MYO1H: variants seen among roughly 807,000 people sequenced by gnomAD.
The protein encoded by MYO1H is unconventional myosin-Ih.
A neutral mutation model predicts 149.3 loss-of-function variants in MYO1H; 118 were observed. The observed-to-expected ratio is 0.79, with a 90% CI of 0.68 to 0.92. MYO1H has a LOEUF of 0.92. Ranked by LOEUF, MYO1H falls within the 40% of genes least tolerant of loss-of-function variation. MYO1H has a pLI of 0.00. For missense variants in MYO1H, 1,212 were observed against 1,280.7 expected (o/e 0.95, Z 0.82); for synonymous variants, 447 against 465.2 (o/e 0.96, Z 0.50).
chr12:109,388,242 A>T (rs1472997207), intron 1 of MYO1H, among the ~76,000 whole-genome samples: 2 of 150,276 alleles, frequency 1.3e-5, no homozygotes, highest in South Asian at 2.1e-4. Context: ...CATTAATTTA[A>T]AAAAAACATT....
intron 15 of MYO1H, among the ~76,000 whole-genome samples, chr12:109,419,282 A>G (rs2135570969): frequency 6.6e-6 from 1 of 152,076 alleles, no homozygotes; most frequent in South Asian, 2.1e-4. Context: ...GGAGTTTTCC[A>G]TGTGCCGGGT....
chr12:109,435,110 C>T, exon 21 of MYO1H: 2 of 1,589,456 alleles, frequency 1.3e-6, no homozygotes, highest in Non-Finnish European at 1.7e-6. Flanking sequence ...TAAACATCAA[C>T]TAGGTATGAT....
chr12:109,345,645 A>G (rs2048100531), upstream of MYO1H, among the ~76,000 whole-genome samples: 1 of 152,234 alleles, frequency 6.6e-6, no homozygotes, highest in Admixed American at 6.5e-5. Flanking sequence ...GTCCACACAA[A>G]AATTTGCACC....
At chr12:109,418,011 T>G (rs1871004491) in intron 15 of MYO1H, among the ~76,000 whole-genome samples, 1 of 151,470 alleles carries the variant, frequency 6.6e-6, no homozygotes, top group South Asian at 2.1e-4. Flanking sequence ...AGAGACGGGG[T>G]TTCACCGTGT....
At chr12:109,401,712 G>A (rs1209248918) in intron 6 of MYO1H, among the ~76,000 whole-genome samples, 5 of 151,922 alleles carry the variant, frequency 3.3e-5, no homozygotes, top group Non-Finnish European at 7.4e-5. Context: ...CCAAACCTAT[G>A]CTATCTCATT....
chr12:109,329,639 G>A, the MYO1H span, among the ~76,000 whole-genome samples: 1 of 152,178 alleles, frequency 6.6e-6, no homozygotes, highest in Non-Finnish European at 1.5e-5. Flanking sequence ...GGAGCTGTCT[G>A]TAGATCTTTT....
chr12:109,442,098 C>A, intron 26 of MYO1H, 119 bp from the exon 27 acceptor site: 1 of 813,528 alleles, frequency 1.2e-6, no homozygotes, highest in Non-Finnish European at 2.1e-6. Flanking sequence ...TTCCTGATGG[C>A]TATTTCCCCA....
rs552694584 is a variant in MYO1H, at chr12:109,377,028, G to A, written c.13-11655G>A. On this transcript the variant is annotated intron_variant, in intron 1 of 31. Transcript: ENST00000310903. The stretch of plus-strand genomic sequence containing the variant: ...ATAATGTAAAATTAGCTGTTTTAAA[G>A]TAATCAGATTCAGTGGCATTTTGTA... 3.2e-4 allele frequency among the ~76,000 whole-genome samples: 48 copies of A among 152,264 alleles called. No homozygotes were observed. The Middle Eastern group carries it at 0.034, about 108-fold the overall frequency.
intron 1 of MYO1H, among the ~76,000 whole-genome samples, chr12:109,372,950 A>C (rs1869018855): frequency 6.6e-6 from 1 of 152,032 alleles, no homozygotes. Context: ...TGTTAAAATT[A>C]TTTTTATAGA....
intron 15 of MYO1H, among the ~76,000 whole-genome samples, chr12:109,420,203 G>C (rs905570279): frequency 2.0e-5 from 3 of 152,160 alleles, no homozygotes; most frequent in Non-Finnish European, 2.9e-5. Context: ...TAAAGACTAT[G>C]CATATTTATA....
intron 27 of MYO1H, among the ~76,000 whole-genome samples, chr12:109,442,795 C>CTGCCTTTTTTTTTTTT (rs1165995755): frequency 4.3e-5 from 4 of 94,038 alleles, no homozygotes; most frequent in East Asian, 6.4e-4. Flanking sequence ...AGTGTCTGCT[C>CTGCCTTTTTTTTTTTT]TTTTTTTTTT....
the MYO1H span, among the ~76,000 whole-genome samples, chr12:109,338,007 C>G: frequency 6.8e-6 from 1 of 147,706 alleles, no homozygotes; most frequent in African/African-American, 2.5e-5. Context: ...TTGTCTGTAT[C>G]AGAAACTGGA....
chr12:109,363,067 T>C (rs1193141589), intron 1 of MYO1H, among the ~76,000 whole-genome samples: 1 of 152,220 alleles, frequency 6.6e-6, no homozygotes, highest in Non-Finnish European at 1.5e-5. Flanking sequence ...CATAGTTATC[T>C]CCGCAATTAG....
chr12:109,318,991 T>TTTTTTTTA, the MYO1H span, among the ~76,000 whole-genome samples: 1 of 147,264 alleles, frequency 6.8e-6, no homozygotes, highest in Non-Finnish European at 1.5e-5. Context: ...TTTTTTTTTT[T>TTTTTTTTA]TTTGCAACTT....
At chr12:109,424,634 G>A (rs1013187116) in intron 16 of MYO1H, 114 bp from the exon 17 acceptor site, 1 of 696,994 alleles carries the variant, frequency 1.4e-6, no homozygotes, top group African/African-American at 1.8e-5. Context: ...ACATCTTCAA[G>A]CATTCAAGAA....
the MYO1H span, among the ~76,000 whole-genome samples, chr12:109,329,131 C>T: frequency 1.3e-5 from 2 of 150,662 alleles, no homozygotes; most frequent in African/African-American, 4.9e-5. Flanking sequence ...AGTTTTGTAC[C>T]TGATCTTCTG....
At chr12:109,401,169 G>A (rs779157543) in exon 6 of MYO1H, 13 of 1,613,862 alleles carry the variant, frequency 8.1e-6, no homozygotes, top group Middle Eastern at 1.6e-4. Context: ...GAAGGCGAGC[G>A]GAATTTCCAC....
upstream of MYO1H, among the ~76,000 whole-genome samples, chr12:109,344,767 A>G (rs2048097522): frequency 6.6e-6 from 1 of 152,260 alleles, no homozygotes; most frequent in Non-Finnish European, 1.5e-5. Context: ...AGGTACGGCC[A>G]TAAAGACAGA....
chr12:109,412,015 T>TG (rs760192530), intron 14 of MYO1H, 30 bp downstream of exon 14: 5 of 1,452,464 alleles, frequency 3.4e-6, no homozygotes, highest in Non-Finnish European at 4.7e-6. Context: ...AGATTTTGCA[T>TG]GGGGGAAGAT....
Sources: gnomAD v4.1 joint callset for allele counts (sites outside exome capture counted in the v4.1 genomes callset) on GRCh38, gnomAD v4.1.1 for gene constraint, MANE v1.5 for transcripts, NCBI Gene and HGNC (gene_info 2026-07-23, HGNC 2026-07-21) for gene names.